TAFA5: variants seen among roughly 807,000 people sequenced by gnomAD.
TAFA5 encodes TAFA chemokine like family member 5, also known as chemokine-like protein TAFA-5.
In TAFA5, 6 loss-of-function variants were observed where a neutral mutation model predicts 15.3. The ratio of observed to expected loss-of-function variants is 0.39; its 90% CI spans 0.21 to 0.77. TAFA5 has a LOEUF of 0.77. Among genes scored for constraint, TAFA5 ranks in the 30% least tolerant of loss-of-function variants. The pLI is 0.41. For synonymous variants in TAFA5, 103 were observed against 80.7 expected (o/e 1.28, Z -1.48); for missense variants, 161 against 193.1 (o/e 0.83, Z 0.98).
rs566269258 is a variant in TAFA5 at position 48,523,659 on chromosome 22, G to A, written c.112+33955G>A. Among the ~76,000 whole-genome samples the A allele has an allele frequency of 1.3e-4, 20 of 152,338 alleles. No homozygotes were observed. In the South Asian group the frequency reaches 4.1e-3, roughly 32 times the overall value. Reference sequence around the variant, plus strand: ...ACCCCAGCCCCTCTGTGCCCAACTTGGGCCAGGGCTGCATGAAGGAGGCAT... The same window carrying A: ...ACCCCAGCCCCTCTGTGCCCAACTTAGGCCAGGGCTGCATGAAGGAGGCAT... On this transcript the variant is annotated intron_variant, in intron 1 of 3. Coordinates refer to ENST00000402357, the MANE Select transcript of TAFA5 (RefSeq NM_001082967.3).
At chr22:48,576,019 G>GGGGGCC (rs1923770435) in intron 1 of TAFA5, among the ~76,000 whole-genome samples, 1 of 141,556 alleles carries the variant, frequency 7.1e-6, no homozygotes, top group African/African-American at 2.5e-5. Context: ...AGGCGGAGGA[G>GGGGGCC]GGGGCCGGGG....
intron 1 of TAFA5, among the ~76,000 whole-genome samples, chr22:48,537,625 A>G (rs1195166057): frequency 6.6e-6 from 1 of 152,166 alleles, no homozygotes; most frequent in African/African-American, 2.4e-5. Flanking sequence ...GTGTCAAACC[A>G]AATGCCATGG....
intron 2 of TAFA5, among the ~76,000 whole-genome samples, chr22:48,652,099 G>A (rs891267290): frequency 3.3e-5 from 5 of 152,376 alleles, no homozygotes; most frequent in Middle Eastern, 3.4e-3. Context: ...GAGAGGCTGG[G>A]CACAGCGCGT....
intron 3 of TAFA5, among the ~76,000 whole-genome samples, chr22:48,737,810 T>A (rs907629242): frequency 1.1e-4 from 17 of 152,214 alleles, no homozygotes; most frequent in Middle Eastern, 3.4e-3. Flanking sequence ...TGGGCAGCCT[T>A]GTGGCCAGGG....
intron 1 of TAFA5, among the ~76,000 whole-genome samples, chr22:48,584,097 ACACACACACAC>A (rs1924224853): frequency 1.4e-5 from 2 of 142,346 alleles, no homozygotes; most frequent in Admixed American, 7.0e-5. Context: ...AAAATATATC[ACACACACACAC>A]CACACACACA....
chr22:48,665,550 A>T (rs201785558), intron 2 of TAFA5, among the ~76,000 whole-genome samples: 1 of 151,882 alleles, frequency 6.6e-6, no homozygotes, highest in South Asian at 2.1e-4. Context: ...TTTCTGATTA[A>T]GTTCCATGTG....
chr22:48,670,248 T>C (rs953530344), intron 2 of TAFA5, among the ~76,000 whole-genome samples: 7 of 152,258 alleles, frequency 4.6e-5, no homozygotes, highest in African/African-American at 1.7e-4. Context: ...TGGTGGTTTT[T>C]ATGGTAAATA....
chr22:48,624,412 G>T (rs998280472), intron 1 of TAFA5, among the ~76,000 whole-genome samples: 6 of 149,220 alleles, frequency 4.0e-5, no homozygotes, highest in South Asian at 2.1e-4. Flanking sequence ...CTTATGGAGT[G>T]GGGGAGGGAC....
Position 48,530,239 on chromosome 22 carries a change from C to G in TAFA5, c.112+40535C>G, listed in dbSNP as rs1173339412. ...TTGAGTGTAAGTCTCCTCTGCTCCC[C>G]TCCTGTGACATCCGAGCATGGTCGT... On this transcript the variant is annotated intron_variant, in intron 1 of 3. Coordinates refer to ENST00000402357, the MANE Select transcript of TAFA5 (RefSeq NM_001082967.3). This position sits in a 1 kb window ranked among gnomAD's most constrained non-coding sequence, Gnocchi z 6.0. 6.6e-6 allele frequency among the ~76,000 whole-genome samples: 1 copy of G among 152,166 alleles called. No individual in the cohort carries two copies. The highest frequency in any genetic ancestry group is 1.5e-5 in the Non-Finnish European group (1 of 68,016).
At chr22:48,744,048 CT>C (rs1930257495) in intron 3 of TAFA5, among the ~76,000 whole-genome samples, 1 of 152,246 alleles carries the variant, frequency 6.6e-6, no homozygotes, top group African/African-American at 2.4e-5. Flanking sequence ...CGAGTTGCGC[CT>C]GCCAAGGCTG....
chr22:48,655,467 C>G (rs1168846292), intron 2 of TAFA5, among the ~76,000 whole-genome samples: 1 of 152,166 alleles, frequency 6.6e-6, no homozygotes, highest in Non-Finnish European at 1.5e-5. Flanking sequence ...GGGCTGCATT[C>G]TCCAGAGAGG....
chr22:48,640,753 A>G (rs927363078), intron 1 of TAFA5, among the ~76,000 whole-genome samples: 1 of 152,178 alleles, frequency 6.6e-6, no homozygotes, highest in African/African-American at 2.4e-5. Flanking sequence ...TTCAGAGGCC[A>G]GGGGACTCTG....
chr22:48,635,475 C>T (rs1226261734), intron 1 of TAFA5, among the ~76,000 whole-genome samples: 1 of 152,256 alleles, frequency 6.6e-6, no homozygotes, highest in African/African-American at 2.4e-5. Context: ...AACCTTCCAG[C>T]AGCAGCTCCT....
At chr22:48,741,917 C>A (rs1471346645) in intron 3 of TAFA5, among the ~76,000 whole-genome samples, 1 of 152,220 alleles carries the variant, frequency 6.6e-6, no homozygotes, top group Non-Finnish European at 1.5e-5. Flanking sequence ...CTTCTTTATT[C>A]TGAGTTATAC....
chr22:48,700,873 C>A (rs1332452971), intron 2 of TAFA5, among the ~76,000 whole-genome samples: 1 of 152,198 alleles, frequency 6.6e-6, no homozygotes, highest in Admixed American at 6.5e-5. Context: ...TCCGATCCCA[C>A]GTAACAGACA....
At chr22:48,601,607 G>A (rs1016285562) in intron 1 of TAFA5, among the ~76,000 whole-genome samples, 1 of 152,110 alleles carries the variant, frequency 6.6e-6, no homozygotes, top group African/African-American at 2.4e-5. Flanking sequence ...GATTACAGGC[G>A]GGAGCCACCA....
intron 1 of TAFA5, among the ~76,000 whole-genome samples, chr22:48,582,955 A>G (rs1401878661): frequency 4.0e-5 from 2 of 49,400 alleles, no homozygotes; most frequent in African/African-American, 9.0e-5. Flanking sequence ...CATGCCACAC[A>G]CACACCACAC....
intron 1 of TAFA5, among the ~76,000 whole-genome samples, chr22:48,588,509 CCTTCAAAGTTGACAGTGG>C (rs1383133969): frequency 6.6e-6 from 1 of 152,146 alleles, no homozygotes; most frequent in African/African-American, 2.4e-5. Flanking sequence ...GTGGGTGCTA[CCTTCAAAGTTGACAGTGG>C]GACTCCTCAC....
intron 1 of TAFA5, among the ~76,000 whole-genome samples, chr22:48,614,720 G>T (rs192998467): frequency 6.6e-6 from 1 of 152,324 alleles, no homozygotes; most frequent in African/African-American, 2.4e-5. Flanking sequence ...TGCTCCTGTC[G>T]CAAGCAAGTA....
Sources: gnomAD v4.1 joint callset for allele counts (sites outside exome capture counted in the v4.1 genomes callset) on GRCh38, gnomAD v4.1.1 for gene constraint, Gnocchi (gnomAD v3.1) non-coding constraint, MANE v1.5 for transcripts, NCBI Gene and HGNC (gene_info 2026-07-23, HGNC 2026-07-21) for gene names.